Variants in SLCO6A1 observed in about 807,000 individuals in gnomAD.
SLCO6A1 encodes cancer/testis antigen 48.
Under a neutral mutation model 72.7 loss-of-function variants are expected in SLCO6A1, and 65 were observed. That is an observed-to-expected ratio of 0.89 (90% CI 0.73 to 1.10). The LOEUF is 1.10. Among genes scored for constraint, SLCO6A1 ranks in the 50% least tolerant of loss-of-function variants. SLCO6A1 has a pLI of 0.00. For missense variants in SLCO6A1, 874 were observed against 872.6 expected, an observed-to-expected ratio of 1.00 and a Z score of -0.02; for synonymous variants, 314 against 298.2, an observed-to-expected ratio of 1.05 and a Z score of -0.55.
At chr5:102,492,125 G>A (rs1302353519) in intron 1 of SLCO6A1, among the ~76,000 whole-genome samples, 6 of 152,290 alleles carry the variant, frequency 3.9e-5, no homozygotes, top group South Asian at 2.1e-4. Context: ...GTCTGCCCCC[G>A]TGATCCAATC....
chr5:102,387,248 G>C (rs1372980121), intron 12 of SLCO6A1, among the ~76,000 whole-genome samples: 3 of 152,068 alleles, frequency 2.0e-5, no homozygotes, highest in Non-Finnish European at 2.9e-5. Flanking sequence ...AAATATACTG[G>C]CTTACACTAA....
chr5:102,491,804 G>T (rs185851157), intron 1 of SLCO6A1, among the ~76,000 whole-genome samples: 2 of 152,256 alleles, frequency 1.3e-5, no homozygotes, highest in Non-Finnish European at 2.9e-5. Context: ...ACGGAGCTGC[G>T]GCAGGCTGGA....
At chr5:102,466,967 G>A (rs1284027944) in intron 4 of SLCO6A1, among the ~76,000 whole-genome samples, 1 of 152,026 alleles carries the variant, frequency 6.6e-6, no homozygotes, top group Non-Finnish European at 1.5e-5. Context: ...TCTGTAGGTT[G>A]TCTGTTTACT....
At chr5:102,384,813 A>T (rs977155043) in intron 12 of SLCO6A1, among the ~76,000 whole-genome samples, 1 of 152,128 alleles carries the variant, frequency 6.6e-6, no homozygotes, top group Non-Finnish European at 1.5e-5. Flanking sequence ...ACTGAGTTTT[A>T]TACTTTCATA....
At chr5:102,455,387 A>G (rs1750655534) in intron 6 of SLCO6A1, among the ~76,000 whole-genome samples, 1 of 152,118 alleles carries the variant, frequency 6.6e-6, no homozygotes, top group Non-Finnish European at 1.5e-5. Context: ...GAGAAATACA[A>G]TTTTGCAAAC....
intron 1 of SLCO6A1, among the ~76,000 whole-genome samples, chr5:102,497,522 A>G (rs1580537176): frequency 6.6e-6 from 1 of 152,342 alleles, no homozygotes; most frequent in East Asian, 1.9e-4. Context: ...TGTAGGATGG[A>G]CTGTGCCAGT....
intron 7 of SLCO6A1, among the ~76,000 whole-genome samples, chr5:102,424,769 T>A (rs1748798525): frequency 1.3e-5 from 2 of 152,168 alleles, no homozygotes; most frequent in African/African-American, 4.8e-5. Flanking sequence ...TAATTCATTT[T>A]ATGAGGCCAG....
At chr5:102,392,017 A>T (rs1746789353) in intron 10 of SLCO6A1, among the ~76,000 whole-genome samples, 1 of 152,094 alleles carries the variant, frequency 6.6e-6, no homozygotes, top group Admixed American at 6.5e-5. Flanking sequence ...GAACTACATT[A>T]TTAATGGGCA....
At chr5:102,468,877 T>C (rs1561487057) in intron 4 of SLCO6A1, among the ~76,000 whole-genome samples, 3 of 152,190 alleles carry the variant, frequency 2.0e-5, no homozygotes, top group Admixed American at 6.6e-5. Flanking sequence ...TTTCTACATA[T>C]TGCTAACCAG....
At chr5:102,424,505 A>G (rs187420813) in intron 7 of SLCO6A1, among the ~76,000 whole-genome samples, 1 of 152,338 alleles carries the variant, frequency 6.6e-6, no homozygotes, top group Non-Finnish European at 1.5e-5. Flanking sequence ...CTATGCAAAT[A>G]AAGTAGAAAA....
chr5:102,445,288 T>C (rs1750048720), intron 6 of SLCO6A1, among the ~76,000 whole-genome samples: 1 of 152,192 alleles, frequency 6.6e-6, no homozygotes, highest in Admixed American at 6.5e-5. Context: ...AACATCTTAT[T>C]GTGGTTTTGA....
Position 102,399,647 on chromosome 5 carries a change from C to G in SLCO6A1, c.1722G>C (p.Lys574Asn). 1 of 1,609,934 alleles carries G rather than the reference C, an allele frequency of 6.2e-7. No individual in the cohort carries two copies. Among genetic ancestry groups the G allele is most frequent in the Non-Finnish European group, 8.5e-7 (1 of 1,177,230 alleles). ...IDARPGKCDAKCYKLPLFIAF... is the reference protein window; with the variant it reads ...IDARPGKCDANCYKLPLFIAF... ...CAATGAACAAAGGTAACTTATAGCA[C>G]TTTGCATCACATTTCCCGGGTCTGG... Residue 574 changes from lysine (K) to asparagine (N), a missense_variant, in exon 10 of 14, where the codon AAG becomes AAC. Physicochemically the swap from Lys to Asn is moderately conservative, Grantham distance 94. Coordinates refer to ENST00000506729, the MANE Select transcript of SLCO6A1 (RefSeq NM_173488.5).
chr5:102,400,533 C>T (rs1561430592), intron 9 of SLCO6A1, among the ~76,000 whole-genome samples: 1 of 151,926 alleles, frequency 6.6e-6, no homozygotes, highest in Non-Finnish European at 1.5e-5. Flanking sequence ...TAATTTAAGG[C>T]AGATGAATTG....
chr5:102,498,878 C>T lies in SLCO6A1; in HGVS notation c.-34G>A, dbSNP rs533076900. The T allele has an allele frequency of 3.2e-6, 5 of 1,564,256 alleles. No homozygotes were observed. The Admixed American group carries it at 5.3e-5, about 17-fold the overall frequency. On this transcript the variant is annotated 5_prime_UTR_variant, in exon 1 of 14. Coordinates refer to ENST00000506729, the MANE Select transcript of SLCO6A1 (RefSeq NM_173488.5). ...CTGGGCGGCTCCTGGCGACGCGGCC[C>T]GAGTGCTCTCGGCTGCCCGTCCTGC...
intron 1 of SLCO6A1, among the ~76,000 whole-genome samples, chr5:102,489,405 A>AAAACAAAC (rs960702112): frequency 6.6e-6 from 1 of 152,208 alleles, no homozygotes; most frequent in African/African-American, 2.4e-5. Flanking sequence ...ATTCAATAGC[A>AAAACAAAC]AAACAAACAA....
intron 1 of SLCO6A1, among the ~76,000 whole-genome samples, chr5:102,488,429 C>T (rs1483670600): frequency 2.0e-5 from 3 of 152,168 alleles, no homozygotes; most frequent in Admixed American, 2.0e-4. Context: ...TAAAAAGTAA[C>T]ATGTTAAGAT....
chr5:102,421,299 G>T (rs1365422667), intron 7 of SLCO6A1, among the ~76,000 whole-genome samples: 1 of 152,032 alleles, frequency 6.6e-6, no homozygotes, highest in Non-Finnish European at 1.5e-5. Flanking sequence ...AAACGGAGCC[G>T]AAGCCAGGGA....
intron 9 of SLCO6A1, among the ~76,000 whole-genome samples, chr5:102,411,813 C>T (rs753054262): frequency 7.9e-5 from 12 of 152,094 alleles, no homozygotes; most frequent in Non-Finnish European, 1.2e-4. Context: ...AATGGCCCTG[C>T]AAAGCAGTCC....
At chr5:102,422,225 G>A (rs1466292604) in intron 7 of SLCO6A1, among the ~76,000 whole-genome samples, 3 of 152,140 alleles carry the variant, frequency 2.0e-5, no homozygotes. Context: ...TCCTCCAAAG[G>A]ATCACAACTC....
Sources: gnomAD v4.1 joint callset for allele counts (sites outside exome capture counted in the v4.1 genomes callset) on GRCh38, gnomAD v4.1.1 for gene constraint, MANE v1.5 for transcripts, NCBI Gene and HGNC (gene_info 2026-07-23, HGNC 2026-07-21) for gene names.